The following SLC30A8 variants were observed in gnomAD, a reference collection of about 807,000 sequenced individuals.
SLC30A8 encodes proton-coupled zinc antiporter SLC30A8.
Under a neutral mutation model 36.9 loss-of-function variants are expected in SLC30A8, and 27 were observed. The observed-to-expected ratio is 0.73, with a 90% CI of 0.54 to 1.01. The LOEUF (loss-of-function observed/expected upper bound fraction) is 1.01. Among genes scored for constraint, SLC30A8 ranks in the 50% least tolerant of loss-of-function variants. The pLI is 0.00. For synonymous variants in SLC30A8, 164 were observed against 172.4 expected (o/e 0.95, Z 0.38); for missense variants, 439 against 452.0 (o/e 0.97, Z 0.26).
chr8:116,984,009 C>T (rs930697465), intron 1 of SLC30A8, among the ~76,000 whole-genome samples: 1 of 152,130 alleles, frequency 6.6e-6, no homozygotes, highest in Non-Finnish European at 1.5e-5. Flanking sequence ...CACCCTTAAC[C>T]TCTAGCCACC....
chr8:117,003,101 C>T (rs1002476547), intron 1 of SLC30A8, among the ~76,000 whole-genome samples: 2 of 152,090 alleles, frequency 1.3e-5, no homozygotes, highest in African/African-American at 4.8e-5. Flanking sequence ...ATGTCATAGC[C>T]TTCAGTACTT....
chr8:116,968,425 T>C (rs369762050), intron 1 of SLC30A8, among the ~76,000 whole-genome samples: 2 of 151,224 alleles, frequency 1.3e-5, no homozygotes. Flanking sequence ...TTGTACTCAA[T>C]AGCTGTGAGT....
At chr8:117,055,209 A>C (rs1345974653) in intron 2 of SLC30A8, among the ~76,000 whole-genome samples, 1 of 152,200 alleles carries the variant, frequency 6.6e-6, no homozygotes, top group African/African-American at 2.4e-5. Flanking sequence ...TTTCAGATAG[A>C]GCTGGTGGGT....
intron 1 of SLC30A8, chr8:116,951,195 C>T (rs925819569): frequency 6.6e-6 from 1 of 152,150 alleles, no homozygotes; most frequent in Non-Finnish European, 1.5e-5. Context: ...AACTCATAAT[C>T]ATCTTTAAGA....
intron 2 of SLC30A8, among the ~76,000 whole-genome samples, chr8:117,115,760 TCATTGAGGCTGTGG>T (rs1224975733): frequency 6.6e-6 from 1 of 151,950 alleles, no homozygotes; most frequent in East Asian, 1.9e-4. Flanking sequence ...AGGGAAGGGC[TCATTGAGGCTGTGG>T]CATATGAACT....
intron 2 of SLC30A8, among the ~76,000 whole-genome samples, chr8:117,119,860 A>T (rs768485123): frequency 4.2e-4 from 64 of 151,972 alleles, no homozygotes; most frequent in Admixed American, 7.9e-4. Flanking sequence ...ATCAGAAAAG[A>T]AAATTAAGAA....
chr8:117,132,554 A>T (rs1821179176), upstream of SLC30A8, among the ~76,000 whole-genome samples: 1 of 152,010 alleles, frequency 6.6e-6, no homozygotes, highest in African/African-American at 2.4e-5. Context: ...GAGCAGCGTA[A>T]TGCCCACTAA....
intron 4 of SLC30A8, among the ~76,000 whole-genome samples, chr8:117,160,446 T>TGTGC (rs150458118): frequency 0.025 from 3,614 of 144,338 alleles, 133 homozygotes; most frequent in African/African-American, 0.086. Flanking sequence ...CGCGCACATG[T>TGTGC]GCGCGCGGTG....
intron 2 of SLC30A8, among the ~76,000 whole-genome samples, chr8:117,060,675 A>G (rs185335254): frequency 3.9e-5 from 6 of 152,250 alleles, no homozygotes; most frequent in African/African-American, 1.4e-4. Context: ...CTTAAATCTG[A>G]TTAGACTTAA....
At chr8:116,992,717 C>T (rs1423570655) in intron 1 of SLC30A8, among the ~76,000 whole-genome samples, 1 of 152,150 alleles carries the variant, frequency 6.6e-6, no homozygotes, top group Non-Finnish European at 1.5e-5. Context: ...ATGAGGCTAA[C>T]ATCTAAGTAG....
chr8:117,158,030 G>A (rs936505277), intron 4 of SLC30A8, among the ~76,000 whole-genome samples, 186 bp downstream of exon 4: 2 of 152,104 alleles, frequency 1.3e-5, no homozygotes, highest in Non-Finnish European at 2.9e-5. Flanking sequence ...TTTTAATATT[G>A]GCTTCTGCTA....
chr8:117,087,261 TAGAG>T (rs576628032), intron 2 of SLC30A8, among the ~76,000 whole-genome samples: 216 of 152,298 alleles, frequency 1.4e-3, no homozygotes, highest in African/African-American at 5.0e-3. Flanking sequence ...AACCATTTCA[TAGAG>T]AGCCAGAACT....
intron 2 of SLC30A8, among the ~76,000 whole-genome samples, chr8:117,057,135 G>T (rs974535011): frequency 1.3e-5 from 2 of 152,290 alleles, no homozygotes; most frequent in East Asian, 3.9e-4. Flanking sequence ...CAAATTTGAT[G>T]TCGAGTGAGG....
intron 2 of SLC30A8, chr8:117,056,260 C>T (rs899112292): frequency 2.6e-5 from 4 of 152,408 alleles, no homozygotes; most frequent in Non-Finnish European, 5.9e-5. Context: ...CCCATCTCCT[C>T]CTGTGATTGC....
In SLC30A8 at chr8:117,174,641, T is replaced by C. The variant is rs1823578134; in HGVS notation, c.*1960T>C. 5 of 152,578 alleles carry C rather than the reference T, an allele frequency of 3.3e-5. No individual in the cohort carries two copies. The South Asian group carries it at 1.0e-3, about 32-fold the overall frequency. The allele number at this position is 152,578 out of a possible 1,614,324, so 9.5% of individuals were successfully genotyped here. On this transcript the variant is annotated 3_prime_UTR_variant, in exon 8 of 8. Transcript: ENST00000456015. Reference sequence around the variant, plus strand: ...AGGACGCCCTAAAGACTAGGTGACTTGGCAAACACACAAGTGTTAGTATAA... The same window carrying C: ...AGGACGCCCTAAAGACTAGGTGACTCGGCAAACACACAAGTGTTAGTATAA...
At chr8:117,088,031 TTGAA>T (rs1044940776) in intron 2 of SLC30A8, among the ~76,000 whole-genome samples, 3 of 148,870 alleles carry the variant, frequency 2.0e-5, no homozygotes, top group Non-Finnish European at 4.5e-5. Context: ...AAAAGGATGA[TTGAA>T]TGGAGAGAGG....
At chr8:117,149,907 G>A (rs545935860) in intron 2 of SLC30A8, among the ~76,000 whole-genome samples, 1 of 152,234 alleles carries the variant, frequency 6.6e-6, no homozygotes, top group South Asian at 2.1e-4. Context: ...CCATCACAGG[G>A]CACAGTCACT....
At chr8:117,122,884 T>C (rs1820744754) in intron 2 of SLC30A8, among the ~76,000 whole-genome samples, 1 of 151,938 alleles carries the variant, frequency 6.6e-6, no homozygotes. Context: ...TAGAAATGCT[T>C]AAGTCAATTG....
intron 2 of SLC30A8, among the ~76,000 whole-genome samples, chr8:117,095,967 A>G (rs1215122514): frequency 6.6e-6 from 1 of 152,194 alleles, no homozygotes. Context: ...TCCTGAGAGT[A>G]TGATGGGCTG....
Sources: allele counts gnomAD v4.1 joint callset (sites outside exome capture counted in the v4.1 genomes callset), GRCh38; gene constraint gnomAD v4.1.1; transcripts MANE v1.5; gene names NCBI Gene and HGNC (gene_info 2026-07-23, HGNC 2026-07-21).